The following BRF1 variants were observed in gnomAD, a reference collection of about 807,000 sequenced individuals.
BRF1 encodes the protein BRF1 general transcription factor IIIB subunit.
In BRF1, 59 loss-of-function variants were observed where a neutral mutation model predicts 81.7. That is an observed-to-expected ratio of 0.72 (90% CI 0.59 to 0.90). BRF1 has a LOEUF of 0.90. Ranked by LOEUF, BRF1 falls within the 40% of genes least tolerant of loss-of-function variation. The pLI is 0.00. For synonymous variants in BRF1, 491 were observed against 395.6 expected, an observed-to-expected ratio of 1.24 and a Z score of -2.86; for missense variants, 1,050 against 936.3, an observed-to-expected ratio of 1.12 and a Z score of -1.58.
chr14:105,229,672 C>T (rs2054421316), intron 6 of BRF1, among the ~76,000 whole-genome samples: 1 of 149,244 alleles, frequency 6.7e-6, no homozygotes, highest in Non-Finnish European at 1.5e-5. Context: ...CCCGTGGCAC[C>T]CTCAGGAGCA....
Position 105,272,845 on chromosome 14 carries a change from G to C in BRF1, c.315C>G (p.His105Gln). The stretch of plus-strand genomic sequence containing the variant: ...AGAAGTTGAAGGCGGTGTCCAGGCA[G>C]TGCTGGTTCAGCTGCAGCTGGTTCC... ...HLGNQLQLNQ[H>Q]CLDTAFNFFK... Residue 105 changes from histidine (H) to glutamine (Q), a missense_variant, in exon 3 of 18, where the codon CAC becomes CAG. Physicochemically the swap from His to Gln is conservative, Grantham distance 24 (BLOSUM62 0). Around this residue, in one of 2 missense-constraint regions of BRF1, gnomAD observed 1,043 missense variants for 915.4 expected, o/e 1.14. Coordinates refer to ENST00000547530, the MANE Select transcript of BRF1 (RefSeq NM_001519.4). 1 of 1,613,918 alleles carries C rather than the reference G, an allele frequency of 6.2e-7. No individual in the cohort carries two copies. Among genetic ancestry groups the C allele is most frequent in the Non-Finnish European group, 8.5e-7 (1 of 1,179,878 alleles).
intron 5 of BRF1, chr14:105,250,731 A>T (rs2055557165): frequency 6.7e-7 from 1 of 1,495,626 alleles, no homozygotes; most frequent in Non-Finnish European, 9.1e-7. Context: ...CAAGATGCTA[A>T]CTGCTTCTTG....
chr14:105,250,755 C>T, intron 5 of BRF1: 2 of 1,367,502 alleles, frequency 1.5e-6, no homozygotes, highest in Non-Finnish European at 2.0e-6. Context: ...CCATGAAAGG[C>T]TGCTCTTAAC....
intron 15 of BRF1, among the ~76,000 whole-genome samples, chr14:105,214,372 G>A (rs1890677792): frequency 6.6e-6 from 1 of 152,242 alleles, no homozygotes; most frequent in African/African-American, 2.4e-5. Context: ...AGAGTGAGGA[G>A]GAGACAAGCT....
intron 14 of BRF1, among the ~76,000 whole-genome samples, chr14:105,218,310 G>C (rs1891665513): frequency 6.6e-6 from 1 of 152,152 alleles, no homozygotes; most frequent in Non-Finnish European, 1.5e-5. Context: ...CACCACCCCT[G>C]CTGCCCCCCG....
chr14:105,212,166 T>C lies in BRF1; in HGVS notation c.1773-2A>G. The C allele has an allele frequency of 6.2e-7, 1 of 1,611,650 alleles. No individual in the cohort carries two copies. Among genetic ancestry groups the C allele is most frequent in the Non-Finnish European group, 8.5e-7 (1 of 1,179,112 alleles). The stretch of plus-strand genomic sequence containing the variant: ...TGCGTAGACACCAGAGGCCTCAACC[T>C]GCAAAAGGAAGCACAGCATGGCGGC... On this transcript the variant is annotated splice_acceptor_variant, in intron 15 of 17. Coordinates refer to ENST00000547530, the MANE Select transcript of BRF1 (RefSeq NM_001519.4). LOFTEE classifies it high-confidence loss of function.
chr14:105,241,137 C>G, intron 6 of BRF1, 128 bp downstream of exon 6: 3 of 1,454,080 alleles, frequency 2.1e-6, no homozygotes, highest in Middle Eastern at 2.5e-4. Context: ...AGAGTCAGCC[C>G]CGGGAGGCTG....
chr14:105,286,267 C>A (rs367667710), intron 2 of BRF1, 29 bp downstream of exon 2: 2 of 1,600,846 alleles, frequency 1.2e-6, no homozygotes, highest in Non-Finnish European at 8.5e-7. Flanking sequence ...ACCCGCCGCA[C>A]GCTCAGCAGC....
In BRF1 at chr14:105,219,848, A is replaced by T. The variant is rs587689094; in HGVS notation, c.1377+221T>A. ...CGAGGGCCGCAAGGACCAGGCGCAA[A>T]GCCAGGGGCCTCTCGACAGGCCGCC... On this transcript the variant is annotated intron_variant, in intron 12 of 17. Coordinates refer to ENST00000547530, the MANE Select transcript of BRF1 (RefSeq NM_001519.4). 8.5e-6 allele frequency: 5 copies of T among 590,884 alleles called. No homozygotes were observed. In the East Asian group the frequency reaches 1.4e-4, roughly 17 times the overall value. The allele number at this position is 590,884 out of a possible 1,614,324, so 36.6% of individuals were successfully genotyped here. A position where few individuals can be genotyped will look rare whatever the true frequency, so the allele number is the denominator to read the frequency against.
At chr14:105,228,777 A>T (rs778031510) in intron 7 of BRF1, 43 bp downstream of exon 7, 17 of 1,606,676 alleles carry the variant, frequency 1.1e-5, no homozygotes, top group Non-Finnish European at 1.4e-5. Context: ...TGGACTGATG[A>T]AGCCTCTGTG....
intron 1 of BRF1, among the ~76,000 whole-genome samples, chr14:105,291,141 A>T (rs1056032586): frequency 1.3e-5 from 2 of 152,172 alleles, no homozygotes; most frequent in Non-Finnish European, 2.9e-5. Context: ...CCTGGCCAAG[A>T]CTGCCCCCCT....
intron 14 of BRF1, among the ~76,000 whole-genome samples, chr14:105,218,332 C>A (rs1222886324): frequency 1.3e-5 from 2 of 152,196 alleles, no homozygotes; most frequent in Non-Finnish European, 2.9e-5. Context: ...TGCACGATGA[C>A]CTTCCTGCGT....
intron 8 of BRF1, 138 bp from the exon 9 acceptor site, chr14:105,226,428 C>A: frequency 6.9e-7 from 1 of 1,443,718 alleles, no homozygotes. Context: ...GAGCTATGGG[C>A]CTGTGTCCCC....
rs1890222641 is a variant in BRF1 at position 105,212,173 on chromosome 14, G to C, written c.1773-9C>G. ...ACACCAGAGGCCTCAACCTGCAAAA[G>C]GAAGCACAGCATGGCGGCCTCAGCC... On this transcript the variant is annotated splice_polypyrimidine_tract_variant and intron_variant, in intron 15 of 17. Transcript: ENST00000547530. 2 of 1,611,054 alleles carry C rather than the reference G, an allele frequency of 1.2e-6. No individual in the cohort carries two copies. The highest frequency in any genetic ancestry group is 1.1e-5 in the South Asian group (1 of 90,810).
chr14:105,249,283 C>T (rs753123398), intron 5 of BRF1: 8 of 1,558,052 alleles, frequency 5.1e-6, no homozygotes, highest in South Asian at 4.6e-5. Flanking sequence ...ACGCGTGCCC[C>T]GTCCGCCCCG....
At position 105,221,672 on chromosome 14, in the gene BRF1, T is replaced by C. The variant is rs1892305722; in HGVS notation, c.1291A>G (p.Ile431Val). 1 of 1,611,464 alleles carries C rather than the reference T, an allele frequency of 6.2e-7. No individual in the cohort carries two copies. The highest frequency in any genetic ancestry group is 8.5e-7 in the Non-Finnish European group (1 of 1,179,826). The change falls in exon 11 of 18, where the codon ATC becomes GTC. Residue 431 changes from isoleucine (I) to valine (V), a missense_variant. Coordinates refer to ENST00000547530, the MANE Select transcript of BRF1 (RefSeq NM_001519.4). ...CTGGGGTCGCTGCTCTGAGAGGAGA[T>C]GCATTCGCGGATGGAGTCTGAGATG... ...LGISDSIREC[I>V]SSQSSDPKDA...
chr14:105,260,726 A>C (rs1484172836), intron 3 of BRF1, among the ~76,000 whole-genome samples: 1 of 152,232 alleles, frequency 6.6e-6, no homozygotes, highest in African/African-American at 2.4e-5. Context: ...TTTTAAAAGG[A>C]GCTTCAAATT....
At chr14:105,213,240 T>A (rs1227828694) in intron 15 of BRF1, 1 of 152,172 alleles carries the variant, frequency 6.6e-6, no homozygotes, top group Non-Finnish European at 1.5e-5. Context: ...CCCACTGTGG[T>A]CTCTCCAGAA....
At chr14:105,211,052 G>A in intron 17 of BRF1, 70 bp downstream of exon 17, 1 of 1,566,452 alleles carries the variant, frequency 6.4e-7, no homozygotes, top group Non-Finnish European at 8.6e-7. Flanking sequence ...CCAAGTTCAG[G>A]GATCATGAGG....
Sources: allele counts gnomAD v4.1 joint callset (sites outside exome capture counted in the v4.1 genomes callset), GRCh38; gene constraint gnomAD v4.1.1; regional missense constraint gnomAD v4.1.1; transcripts MANE v1.5; gene names NCBI Gene and HGNC (gene_info 2026-07-23, HGNC 2026-07-21).